The following CNTNAP2 variants were observed in gnomAD, a reference collection of about 807,000 sequenced individuals.
The protein encoded by CNTNAP2 is contactin associated protein 2.
In CNTNAP2, 98 loss-of-function variants were observed where a neutral mutation model predicts 155.2. The ratio of observed to expected loss-of-function variants is 0.63; its 90% CI spans 0.54 to 0.75. The LOEUF (loss-of-function observed/expected upper bound fraction) is 0.75. Among genes scored for constraint, CNTNAP2 ranks in the 30% least tolerant of loss-of-function variants. The pLI is 0.00. For synonymous variants in CNTNAP2, 651 were observed against 631.2 expected, an observed-to-expected ratio of 1.03 and a Z score of -0.47; for missense variants, 1,727 against 1,688.1, an observed-to-expected ratio of 1.02 and a Z score of -0.40.
chr7:146,540,398 G>C (rs1329435070), intron 1 of CNTNAP2, among the ~76,000 whole-genome samples: 2 of 152,068 alleles, frequency 1.3e-5, no homozygotes, highest in East Asian at 3.9e-4. Flanking sequence ...TTCTCTGCCA[G>C]ACATCACATC....
chr7:146,844,862 T>G, intron 3 of CNTNAP2, among the ~76,000 whole-genome samples: 1 of 152,316 alleles, frequency 6.6e-6, no homozygotes, highest in Non-Finnish European at 1.5e-5. Context: ...TTGTTAATTT[T>G]AAGTAGGTGT....
chr7:147,764,162 T>C (rs976371899), intron 13 of CNTNAP2, among the ~76,000 whole-genome samples: 4 of 152,156 alleles, frequency 2.6e-5, no homozygotes, highest in Non-Finnish European at 5.9e-5. Context: ...CTTGGTGTCT[T>C]GCCCTACACC....
intron 15 of CNTNAP2, among the ~76,000 whole-genome samples, chr7:148,017,175 C>T (rs1407575447): frequency 6.6e-6 from 1 of 152,186 alleles, no homozygotes; most frequent in Non-Finnish European, 1.5e-5. Flanking sequence ...TCAGCTTGGT[C>T]ACTGAGACAT....
At chr7:146,282,263 C>T (rs896529418) in intron 1 of CNTNAP2, among the ~76,000 whole-genome samples, 10 of 152,184 alleles carry the variant, frequency 6.6e-5, no homozygotes, top group Non-Finnish European at 1.5e-4. Context: ...TTGCCCCCAA[C>T]GTGGCAGCTA....
intron 13 of CNTNAP2, among the ~76,000 whole-genome samples, chr7:147,643,111 A>G (rs1043762680): frequency 2.8e-5 from 4 of 144,898 alleles, no homozygotes; most frequent in African/African-American, 1.2e-4. Flanking sequence ...TGTGAATCAC[A>G]CATTGAGAAA....
chr7:147,853,378 CA>C (rs1798984025), intron 13 of CNTNAP2, among the ~76,000 whole-genome samples: 1 of 152,168 alleles, frequency 6.6e-6, no homozygotes, highest in African/African-American at 2.4e-5. Context: ...AGAGACAACC[CA>C]TTTGTACATT....
At chr7:147,149,114 A>G (rs1006127053) in intron 8 of CNTNAP2, among the ~76,000 whole-genome samples, 6 of 152,328 alleles carry the variant, frequency 3.9e-5, no homozygotes, top group Admixed American at 1.3e-4. Flanking sequence ...CCTGCTGATT[A>G]GTCCATTTTA....
rs1283494726 is a variant in CNTNAP2 at position 147,204,936 on chromosome 7, A to G, written c.1348+72427A>G. 2.0e-5 allele frequency among the ~76,000 whole-genome samples: 3 copies of G among 152,112 alleles called. No homozygotes were observed. The East Asian group carries it at 5.8e-4, about 29-fold the overall frequency. ...TTGCCTTGTTTAACATATTAAAGTA[A>G]TAAATGGGTGGATTTATATCTGGGT... On this transcript the variant is annotated intron_variant, in intron 8 of 23. Transcript: ENST00000361727.
At position 148,368,575 on chromosome 7, in the gene CNTNAP2, G is replaced by C. The variant is rs573821798; in HGVS notation, c.3476-15074G>C. Reference sequence around the variant, plus strand: ...AAAATTGTACCAGCCATAGCAAGGTGCTGCAGATGTAGCAGGACGAATTGC... The same window carrying C: ...AAAATTGTACCAGCCATAGCAAGGTCCTGCAGATGTAGCAGGACGAATTGC... On this transcript the variant is annotated intron_variant, in intron 21 of 23. Transcript: ENST00000361727. 7.2e-5 allele frequency among the ~76,000 whole-genome samples: 11 copies of C among 152,330 alleles called. 1 individual carries two copies. In the South Asian group the frequency reaches 2.3e-3, roughly 32 times the overall value.
intron 15 of CNTNAP2, among the ~76,000 whole-genome samples, chr7:148,039,584 T>C (rs1032789794): frequency 6.6e-6 from 1 of 152,198 alleles, no homozygotes; most frequent in African/African-American, 2.4e-5. Flanking sequence ...GGTCAGTCAA[T>C]GGCAGGACCA....
At chr7:146,570,476 A>G (rs573106516) in intron 1 of CNTNAP2, among the ~76,000 whole-genome samples, 1 of 152,268 alleles carries the variant, frequency 6.6e-6, no homozygotes, top group South Asian at 2.1e-4. Flanking sequence ...TTTTTCCTGT[A>G]CTAAGGACAA....
At chr7:146,147,197 A>G (rs552297957) in intron 1 of CNTNAP2, among the ~76,000 whole-genome samples, 1 of 152,238 alleles carries the variant, frequency 6.6e-6, no homozygotes, top group South Asian at 2.1e-4. Flanking sequence ...GTTGTTAAGC[A>G]CTGGATCGGC....
At chr7:147,175,540 C>T (rs1224809390) in intron 8 of CNTNAP2, among the ~76,000 whole-genome samples, 1 of 152,122 alleles carries the variant, frequency 6.6e-6, no homozygotes, top group Non-Finnish European at 1.5e-5. Context: ...GCCCTTCCCT[C>T]CCAGTGAAAC....
At chr7:146,658,796 G>A (rs1800036167) in intron 1 of CNTNAP2, among the ~76,000 whole-genome samples, 1 of 152,204 alleles carries the variant, frequency 6.6e-6, no homozygotes, top group Non-Finnish European at 1.5e-5. Context: ...AAGAATAACA[G>A]TAGTTCTTAC....
At chr7:146,738,025 G>T (rs1404830791) in intron 1 of CNTNAP2, among the ~76,000 whole-genome samples, 1 of 151,962 alleles carries the variant, frequency 6.6e-6, no homozygotes, top group African/African-American at 2.4e-5. Context: ...ACTTCCTTTG[G>T]AATATGCCTA....
chr7:146,221,096 T>A (rs1240673875), intron 1 of CNTNAP2, among the ~76,000 whole-genome samples: 1 of 152,148 alleles, frequency 6.6e-6, no homozygotes, highest in South Asian at 2.1e-4. Context: ...TCTGCATGAG[T>A]TGAATCACTC....
intron 10 of CNTNAP2, among the ~76,000 whole-genome samples, chr7:147,431,314 A>G (rs964705745): frequency 1.3e-5 from 2 of 152,226 alleles, no homozygotes; most frequent in African/African-American, 4.8e-5. Flanking sequence ...CTGTGACAAT[A>G]GAGATGGTGT....
intron 21 of CNTNAP2, among the ~76,000 whole-genome samples, chr7:148,359,150 A>G (rs1210154505): frequency 6.6e-6 from 1 of 152,216 alleles, no homozygotes; most frequent in African/African-American, 2.4e-5. Context: ...TGCTCTACAG[A>G]TTTGTAACCT....
chr7:147,457,531 G>A (rs6464806), intron 10 of CNTNAP2, among the ~76,000 whole-genome samples: 33,073 of 149,890 alleles, frequency 0.22, 4,170 homozygotes, highest in African/African-American at 0.34. Flanking sequence ...ATCTCCTGTC[G>A]TGAGACTACA....
Sources: gnomAD v4.1 joint callset for allele counts (sites outside exome capture counted in the v4.1 genomes callset) on GRCh38, gnomAD v4.1.1 for gene constraint, MANE v1.5 for transcripts, NCBI Gene and HGNC (gene_info 2026-07-23, HGNC 2026-07-21) for gene names.